Variants in SHISA9 observed in about 807,000 individuals in gnomAD.
The protein encoded by SHISA9 is shisa family member 9, also known as protein shisa-9.
In SHISA9, 13 loss-of-function variants were observed where a neutral mutation model predicts 38.0. The ratio of observed to expected loss-of-function variants is 0.34; its 90% CI spans 0.22 to 0.54. SHISA9 has a LOEUF of 0.54. Among genes scored for constraint, SHISA9 ranks in the 20% least tolerant of loss-of-function variants. The pLI, the probability that SHISA9 is intolerant of heterozygous loss-of-function variation, is 0.91. For synonymous variants in SHISA9, 275 were observed against 242.0 expected (o/e 1.14, Z -1.27); for missense variants, 538 against 575.8 (o/e 0.93, Z 0.67).
the SHISA9 span, among the ~76,000 whole-genome samples, chr16:13,290,586 G>A: frequency 1.3e-5 from 2 of 152,118 alleles, no homozygotes; most frequent in Admixed American, 1.3e-4. Context: ...AAACCATTAA[G>A]GAAAATTCAC....
chr16:13,478,543 T>C, the SHISA9 span, among the ~76,000 whole-genome samples: 1 of 152,202 alleles, frequency 6.6e-6, no homozygotes, highest in Non-Finnish European at 1.5e-5. Context: ...TTCCTGCAGC[T>C]GTAAAATGCA....
chr16:13,485,089 T>C, the SHISA9 span, among the ~76,000 whole-genome samples: 942 of 152,166 alleles, frequency 6.2e-3, 5 homozygotes, highest in African/African-American at 0.021. Context: ...GTTTGTTACA[T>C]AGGTATGAAT....
intron 2 of SHISA9, among the ~76,000 whole-genome samples, chr16:13,008,003 G>C (rs574395478): frequency 1.3e-5 from 2 of 152,122 alleles, no homozygotes; most frequent in Non-Finnish European, 2.9e-5. Flanking sequence ...GCTTTGTACC[G>C]CAAGCCTCTG....
At chr16:12,948,085 A>G (rs76921207) in intron 2 of SHISA9, among the ~76,000 whole-genome samples, 4,335 of 152,238 alleles carry the variant, frequency 0.028, 180 homozygotes, top group African/African-American at 0.097. Flanking sequence ...TGCCAAACCA[A>G]TTGTGTGCCA....
chr16:13,084,737 T>G (rs1021912212), intron 2 of SHISA9, among the ~76,000 whole-genome samples: 1 of 27,746 alleles, frequency 3.6e-5, no homozygotes, highest in African/African-American at 1.6e-4. Flanking sequence ...GCTTTTCTCT[T>G]AAGCTTAGAC....
the SHISA9 span, among the ~76,000 whole-genome samples, chr16:13,481,222 G>A: frequency 2.0e-5 from 3 of 152,274 alleles, no homozygotes; most frequent in African/African-American, 7.2e-5. Context: ...AGTATTCTCT[G>A]TGTACTTTAT....
chr16:13,491,382 C>T, the SHISA9 span, among the ~76,000 whole-genome samples: 29 of 141,776 alleles, frequency 2.0e-4, no homozygotes, highest in Non-Finnish European at 1.7e-4. Flanking sequence ...TTTTCAGAGC[C>T]TTTTTTTTTT....
intron 2 of SHISA9, among the ~76,000 whole-genome samples, chr16:12,954,999 G>C (rs2071809686): frequency 6.6e-6 from 1 of 152,012 alleles, no homozygotes; most frequent in Non-Finnish European, 1.5e-5. Flanking sequence ...ACAATAGCCT[G>C]GTACAGGGTT....
intron 2 of SHISA9, among the ~76,000 whole-genome samples, chr16:13,167,608 C>T (rs1014773108): frequency 5.3e-5 from 8 of 152,138 alleles, no homozygotes; most frequent in Non-Finnish European, 1.2e-4. Flanking sequence ...ACCACCTCTC[C>T]AAGTGCTGTT....
chr16:13,205,703 A>G (rs1269111043), intron 3 of SHISA9, among the ~76,000 whole-genome samples: 1 of 152,156 alleles, frequency 6.6e-6, no homozygotes, highest in Non-Finnish European at 1.5e-5. Flanking sequence ...AGCCCCATGG[A>G]TGAATCCTTT....
At chr16:13,395,307 A>G in the SHISA9 span, among the ~76,000 whole-genome samples, 5 of 152,224 alleles carry the variant, frequency 3.3e-5, no homozygotes, top group African/African-American at 9.6e-5. Flanking sequence ...ACAGTGCTCA[A>G]CAGAAACTGG....
the SHISA9 span, among the ~76,000 whole-genome samples, chr16:13,347,681 A>T: frequency 2.0e-5 from 3 of 152,188 alleles, no homozygotes; most frequent in Non-Finnish European, 4.4e-5. Flanking sequence ...CCTGATTGAC[A>T]TAAGAACACT....
the SHISA9 span, among the ~76,000 whole-genome samples, chr16:13,421,364 C>T: frequency 2.0e-5 from 3 of 152,176 alleles, no homozygotes; most frequent in East Asian, 3.9e-4. Context: ...GAGGAGTCCT[C>T]AGAATCATGG....
the SHISA9 span, among the ~76,000 whole-genome samples, chr16:13,245,503 T>G: frequency 6.6e-6 from 1 of 152,248 alleles, no homozygotes; most frequent in Non-Finnish European, 1.5e-5. Flanking sequence ...AGACAGTAGC[T>G]TAATGCTTAA....
intron 2 of SHISA9, among the ~76,000 whole-genome samples, chr16:12,952,392 G>A (rs545487340): frequency 6.6e-6 from 1 of 152,198 alleles, no homozygotes; most frequent in African/African-American, 2.4e-5. Flanking sequence ...GTGTGGTTGA[G>A]TCTTCCCCAG....
chr16:12,930,322 C>A (rs545248557), intron 2 of SHISA9, among the ~76,000 whole-genome samples: 2 of 152,296 alleles, frequency 1.3e-5, no homozygotes, highest in African/African-American at 4.8e-5. Flanking sequence ...TGGACTAAAC[C>A]TTCAGTGCTG....
At chr16:13,145,482 G>A (rs960256933) in intron 2 of SHISA9, among the ~76,000 whole-genome samples, 3 of 152,150 alleles carry the variant, frequency 2.0e-5, no homozygotes, top group East Asian at 1.9e-4. Flanking sequence ...AGCCAAGATC[G>A]TGCCATTGCA....
At chr16:13,346,299 C>T in the SHISA9 span, among the ~76,000 whole-genome samples, 207 of 152,208 alleles carry the variant, frequency 1.4e-3, no homozygotes, top group African/African-American at 4.8e-3. Context: ...AAATCGGCTG[C>T]GACGCCACCA....
At chr16:13,085,346 CA>C (rs138008823) in intron 2 of SHISA9, among the ~76,000 whole-genome samples, 11,068 of 139,566 alleles carry the variant, frequency 0.079, 501 homozygotes, top group Non-Finnish European at 0.1. Context: ...AAGGATTAGA[CA>C]AAAAAAAAAG....
Sources: allele counts gnomAD v4.1 joint callset (sites outside exome capture counted in the v4.1 genomes callset), GRCh38; gene constraint gnomAD v4.1.1; transcripts MANE v1.5; gene names NCBI Gene and HGNC (gene_info 2026-07-23, HGNC 2026-07-21).